Variants in POLRMT observed in about 807,000 individuals in gnomAD.
The protein encoded by POLRMT is DNA-directed RNA polymerase, mitochondrial.
POLRMT carries 114 observed loss-of-function variants against 132.2 expected under a neutral mutation model. The ratio of observed to expected loss-of-function variants is 0.86; its 90% CI spans 0.74 to 1.01. The LOEUF is 1.01. Ranked by LOEUF, POLRMT falls within the 50% of genes least tolerant of loss-of-function variation. POLRMT has a pLI of 0.00. For synonymous variants in POLRMT, 1,020 were observed against 773.4 expected (o/e 1.32, Z -5.29); for missense variants, 2,003 against 1,729.1 (o/e 1.16, Z -2.81).
intron 1 of POLRMT, 142 bp downstream of exon 1, chr19:633,283 G>C: frequency 9.5e-7 from 1 of 1,057,082 alleles, no homozygotes; most frequent in Non-Finnish European, 1.3e-6. Context: ...GGGCAAGGGC[G>C]AGTGGAAAGC....
At chr19:618,285 T>A (rs182254242) in intron 17 of POLRMT, 1 of 570,864 alleles carries the variant, frequency 1.8e-6, no homozygotes. Context: ...GCTCTCCCTG[T>A]CGGGCCACAG....
At chr19:625,452 G>T in intron 3 of POLRMT, 198 bp from the exon 4 acceptor site, 1 of 625,944 alleles carries the variant, frequency 1.6e-6, no homozygotes, top group Non-Finnish European at 2.6e-6. Context: ...CAGCCGCATG[G>T]CCCGCCAGGT....
intron 10 of POLRMT, 94 bp downstream of exon 10, chr19:620,948 GAGGAGGAAGACGGGCA>G (rs1984507724): frequency 2.3e-6 from 1 of 439,018 alleles, no homozygotes; most frequent in Non-Finnish European, 3.5e-6. Context: ...AGGGGGAGGG[GAGGAGGAAGACGGGCA>G]GGGGGCGCGG....
intron 9 of POLRMT, 54 bp from the exon 10 acceptor site, chr19:621,900 C>T (rs1350751666): frequency 2.5e-6 from 4 of 1,575,600 alleles, no homozygotes; most frequent in South Asian, 1.1e-5. Flanking sequence ...CTTTCCTGTT[C>T]CCACCCCTTA....
chr19:624,909 T>C lies in POLRMT; in HGVS notation c.954-4A>G. The C allele has an allele frequency of 3.7e-6, 6 of 1,602,850 alleles. No individual in the cohort carries two copies. Among genetic ancestry groups the C allele is most frequent in the Non-Finnish European group, 5.1e-6 (6 of 1,172,648 alleles). On this transcript the variant is annotated splice_region_variant and splice_polypyrimidine_tract_variant and intron_variant, in intron 4 of 20. Coordinates refer to ENST00000588649, the MANE Select transcript of POLRMT (RefSeq NM_005035.4). ...CTGGCTCATCTGTTCCAGACACCTG[T>C]GGTGCAGGCGGCCTGCTCGAGGGAC...
At chr19:617,360 G>C (rs1377563723) in intron 20 of POLRMT, 37 bp from the exon 21 acceptor site, 3 of 1,612,532 alleles carry the variant, frequency 1.9e-6, no homozygotes, top group East Asian at 4.5e-5. Flanking sequence ...TGGGTGGCGG[G>C]AAAGCCCCGC....
At chr19:630,694 T>G (rs1390175601) in intron 2 of POLRMT, among the ~76,000 whole-genome samples, 1 of 152,096 alleles carries the variant, frequency 6.6e-6, no homozygotes, top group Non-Finnish European at 1.5e-5. Flanking sequence ...CCCCCCCAGC[T>G]GGTGGAGCTG....
chr19:619,708 C>G lies in POLRMT; in HGVS notation c.2944G>C (p.Glu982Gln). 6.2e-7 allele frequency: 1 copy of G among 1,607,198 alleles called. No individual in the cohort carries two copies. The highest frequency in any genetic ancestry group is 8.5e-7 in the Non-Finnish European group (1 of 1,177,340). The part of the protein sequence containing the change: ...QRGMRVAQVL[E>Q]GFITRKVVKQ... The stretch of plus-strand genomic sequence containing the variant: ...ACCACCTTGCGGGTGATGAAACCTT[C>G]CAGCACCTGTGCCACCCGCATGCCC... The change falls in exon 13 of 21, where the codon GAA becomes CAA. Residue 982 changes from glutamate (E) to glutamine (Q), a missense_variant. Glu to Gln is a conservative substitution (Grantham distance 29). Coordinates refer to ENST00000588649, the MANE Select transcript of POLRMT (RefSeq NM_005035.4).
chr19:620,762 GAAGCA>G (rs1555675171), intron 10 of POLRMT, among the ~76,000 whole-genome samples: 17 of 124,358 alleles, frequency 1.4e-4, no homozygotes, highest in East Asian at 5.0e-4. Flanking sequence ...GCCGGGGGAG[GAAGCA>G]GCTCGGCGGA....
In POLRMT at chr19:626,936, T is replaced by G. The variant is rs1265528598; in HGVS notation, c.823-1682A>C. On this transcript the variant is annotated intron_variant, in intron 3 of 20. Coordinates refer to ENST00000588649, the MANE Select transcript of POLRMT (RefSeq NM_005035.4). Reference sequence around the variant, plus strand: ...ATATAAAATAACATATATATATAATTTTTTTCTTGTATTCATTTTTCCTGA... The same window carrying G: ...ATATAAAATAACATATATATATAATGTTTTTCTTGTATTCATTTTTCCTGA... Among the ~76,000 whole-genome samples the G allele has an allele frequency of 2.0e-5, 3 of 150,112 alleles. No homozygotes were observed. The East Asian group carries it at 5.8e-4, about 29-fold the overall frequency.
chr19:620,878 G>A (rs1339321546), intron 10 of POLRMT, among the ~76,000 whole-genome samples, 180 bp downstream of exon 10: 1 of 90,714 alleles, frequency 1.1e-5, no homozygotes, highest in Non-Finnish European at 2.3e-5. Flanking sequence ...GCGGGCGGGG[G>A]ACGTGGGGGC....
At chr19:624,959 ACAGACCC>A in intron 4 of POLRMT, 54 bp from the exon 5 acceptor site, 1 of 1,562,582 alleles carries the variant, frequency 6.4e-7, no homozygotes, top group South Asian at 1.2e-5. Context: ...CTGGGCTTCC[ACAGACCC>A]CAGGGGAACC....
At position 629,813 on chromosome 19, in the gene POLRMT, G is replaced by C; in HGVS notation, c.549C>G (p.Pro183=). Residue 183 remains proline (P), a synonymous_variant, in exon 3 of 21, where the codon CCC becomes CCG. Transcript: ENST00000588649. ...CCAGCTGCTCCTCCCAGGGGCTCTC[G>C]GGGGCCTGGCGCGTGCAGTCCTCCA... The part of the protein sequence containing the change: ...GCLEDCTRQA[P]ESPWEEQLAR... 2 of 1,588,080 alleles carry C rather than the reference G, an allele frequency of 1.3e-6. No individual in the cohort carries two copies. Among genetic ancestry groups the C allele is most frequent in the Non-Finnish European group, 1.7e-6 (2 of 1,168,176 alleles).
rs959136685 is a variant in POLRMT at position 620,622 on chromosome 19, G to A, written c.2641-135C>T. On this transcript the variant is annotated intron_variant, in intron 10 of 20. Coordinates refer to ENST00000588649, the MANE Select transcript of POLRMT (RefSeq NM_005035.4). ...TAGTGAACACGGGACGCATGTGGGC[G>A]AGAGACGGGGCGGTGGCTGGATGAG... The A allele has an allele frequency of 3.5e-6, 4 of 1,149,046 alleles. No homozygotes were observed. The Admixed American group carries it at 9.6e-5, about 28-fold the overall frequency. 71.2% of individuals were successfully genotyped at this position (1,149,046 alleles called of 1,614,324 possible). A position where few individuals can be genotyped will look rare whatever the true frequency, so the allele number is the denominator to read the frequency against.
At chr19:621,890 C>CTT in intron 9 of POLRMT, 44 bp from the exon 10 acceptor site, 1 of 1,588,546 alleles carries the variant, frequency 6.3e-7, no homozygotes, top group Non-Finnish European at 8.5e-7. Flanking sequence ...GGTGCTGGGG[C>CTT]TTTCCTGTTC....
intron 3 of POLRMT, among the ~76,000 whole-genome samples, chr19:626,128 T>C (rs535160357): frequency 1.5e-3 from 222 of 152,158 alleles, no homozygotes; most frequent in African/African-American, 4.9e-3. Context: ...TCGAACTTCA[T>C]AGTTTACTTC....
rs1346587885 is a variant in POLRMT at position 623,002 on chromosome 19, G to A, written c.1291-17C>T. Reference sequence around the variant, plus strand: ...GGTCTTCCGCTGCGGGGGATGAACGGGCCCGGTGAGCCCCGTGGCAGCTGG... The same window carrying A: ...GGTCTTCCGCTGCGGGGGATGAACGAGCCCGGTGAGCCCCGTGGCAGCTGG... On this transcript the variant is annotated splice_polypyrimidine_tract_variant and intron_variant, in intron 6 of 20. Transcript: ENST00000588649. 4.3e-6 allele frequency: 7 copies of A among 1,609,416 alleles called. No individual in the cohort carries two copies. The highest frequency in any genetic ancestry group is 5.9e-6 in the Non-Finnish European group (7 of 1,178,198).
intron 2 of POLRMT, among the ~76,000 whole-genome samples, chr19:632,632 A>C (rs1985506414): frequency 6.6e-6 from 1 of 151,936 alleles, no homozygotes; most frequent in South Asian, 2.1e-4. Context: ...GAATTACGAG[A>C]GCTCCAGGAA....
Position 622,687 on chromosome 19 carries a change from G to C in POLRMT, c.1521C>G (p.Arg507=), listed in dbSNP as rs61744275. ...FTTLARELSA[R]TFSRHVVQRQ... ...TCTGCACCACGTGCCGGCTGAAAGTGCGCGCACTCAGCTCCCGGGCCAGGG... is the reference window on the plus strand; with the variant it reads ...TCTGCACCACGTGCCGGCTGAAAGTCCGCGCACTCAGCTCCCGGGCCAGGG... The change falls in exon 8 of 21, where the codon CGC becomes CGG. Residue 507 remains arginine (R), a synonymous_variant. Coordinates refer to ENST00000588649, the MANE Select transcript of POLRMT (RefSeq NM_005035.4). 1 of 1,605,124 alleles carries C rather than the reference G, an allele frequency of 6.2e-7. No individual in the cohort carries two copies. The highest frequency in any genetic ancestry group is 1.3e-5 in the African/African-American group (1 of 74,704).
Sources: gnomAD v4.1 joint callset for allele counts (sites outside exome capture counted in the v4.1 genomes callset) on GRCh38, gnomAD v4.1.1 for gene constraint, MANE v1.5 for transcripts, NCBI Gene and HGNC (gene_info 2026-07-23, HGNC 2026-07-21) for gene names.